The following LRRC4C variants were observed in gnomAD, a reference collection of about 807,000 sequenced individuals.
The protein encoded by LRRC4C is leucine-rich repeat-containing protein 4C.
A neutral mutation model predicts 33.6 loss-of-function variants in LRRC4C; 5 were observed. The observed-to-expected ratio is 0.15, with a 90% confidence interval of 0.08 to 0.31. The LOEUF is 0.31. LRRC4C is among the 10% of genes least tolerant of loss of function. The pLI, the probability that LRRC4C is intolerant of heterozygous loss-of-function variation, is 1.00. For synonymous variants in LRRC4C, 329 were observed against 302.0 expected (o/e 1.09, Z -0.93); for missense variants, 560 against 796.7 (o/e 0.70, Z 3.58).
intron 3 of LRRC4C, among the ~76,000 whole-genome samples, chr11:40,533,916 A>G (rs1485241211): frequency 6.6e-6 from 1 of 152,118 alleles, no homozygotes; most frequent in Non-Finnish European, 1.5e-5. Flanking sequence ...ACCTGCCTCC[A>G]AAGTTTATTA....
intron 1 of LRRC4C, among the ~76,000 whole-genome samples, chr11:41,124,863 T>C (rs1942660292): frequency 6.6e-6 from 1 of 152,120 alleles, no homozygotes; most frequent in Admixed American, 6.5e-5. Context: ...TGGAAATAAA[T>C]ATATGATGAC....
chr11:40,698,647 A>T (rs1945700813), intron 2 of LRRC4C, among the ~76,000 whole-genome samples: 1 of 152,174 alleles, frequency 6.6e-6, no homozygotes, highest in Admixed American at 6.6e-5. Context: ...CAAATACTTT[A>T]TTAGTCCATT....
intron 3 of LRRC4C, among the ~76,000 whole-genome samples, chr11:40,580,690 A>G (rs1490608515): frequency 6.6e-6 from 1 of 152,156 alleles, no homozygotes; most frequent in African/African-American, 2.4e-5. Context: ...CAAATCCTCA[A>G]TTTTCAAATC....
intron 1 of LRRC4C, among the ~76,000 whole-genome samples, chr11:41,026,135 G>A (rs1431313987): frequency 2.6e-5 from 4 of 151,612 alleles, no homozygotes; most frequent in Non-Finnish European, 5.9e-5. Flanking sequence ...GGCTATAGCT[G>A]ACATAGTGAT....
intron 2 of LRRC4C, among the ~76,000 whole-genome samples, chr11:40,786,985 T>A (rs949191827): frequency 1.3e-5 from 2 of 152,204 alleles, no homozygotes; most frequent in Non-Finnish European, 2.9e-5. Flanking sequence ...ATTTCTCTTA[T>A]ATAGAAATGT....
At chr11:41,336,241 C>T in intron 1 of LRRC4C, among the ~76,000 whole-genome samples, 1 of 150,888 alleles carries the variant, frequency 6.6e-6, no homozygotes, top group Non-Finnish European at 1.5e-5. Flanking sequence ...TATAGACTTT[C>T]CTTTTTTTTT....
At chr11:40,952,031 G>A (rs180928860) in intron 1 of LRRC4C, among the ~76,000 whole-genome samples, 11 of 151,394 alleles carry the variant, frequency 7.3e-5, no homozygotes, top group Non-Finnish European at 1.6e-4. Flanking sequence ...TGAAATATTA[G>A]ATTTTTTTTT....
intron 2 of LRRC4C, among the ~76,000 whole-genome samples, chr11:40,840,781 G>A (rs1355392311): frequency 6.6e-6 from 1 of 152,058 alleles, no homozygotes; most frequent in African/African-American, 2.4e-5. Flanking sequence ...TATGAATAAA[G>A]AACAGTAAAA....
intron 2 of LRRC4C, among the ~76,000 whole-genome samples, chr11:40,740,736 A>G (rs942859957): frequency 1.6e-4 from 25 of 151,988 alleles, no homozygotes; most frequent in African/African-American, 5.8e-4. Context: ...ACTTTTCCCT[A>G]TGTTCTCTTC....
chr11:40,179,150 G>A (rs962911278), intron 5 of LRRC4C, among the ~76,000 whole-genome samples: 7 of 151,816 alleles, frequency 4.6e-5, no homozygotes, highest in Admixed American at 2.0e-4. Context: ...AACTGCGGGT[G>A]TGTGCCACCA....
At chr11:40,161,714 G>A (rs1188136894) in intron 5 of LRRC4C, among the ~76,000 whole-genome samples, 2 of 152,074 alleles carry the variant, frequency 1.3e-5, no homozygotes, top group East Asian at 3.9e-4. Context: ...CCGAGATCGC[G>A]CCACTGCACT....
intron 1 of LRRC4C, among the ~76,000 whole-genome samples, chr11:41,142,690 T>C (rs1366859254): frequency 6.6e-6 from 1 of 151,368 alleles, no homozygotes; most frequent in East Asian, 1.9e-4. Flanking sequence ...AGATTACCTC[T>C]GATAACAAAA....
At chr11:41,368,254 C>A (rs1952616286) in intron 1 of LRRC4C, among the ~76,000 whole-genome samples, 1 of 152,130 alleles carries the variant, frequency 6.6e-6, no homozygotes, top group Non-Finnish European at 1.5e-5. Flanking sequence ...ATGAGATACA[C>A]CCATTATTCT....
At position 40,354,234 on chromosome 11, in the gene LRRC4C, T is replaced by C. The variant is rs1947551172; in HGVS notation, c.-269-34513A>G. 5.9e-5 allele frequency among the ~76,000 whole-genome samples: 9 copies of C among 152,298 alleles called. 1 individual carries two copies. The South Asian group carries it at 1.9e-3, about 32-fold the overall frequency. On this transcript the variant is annotated intron_variant, in intron 3 of 6. Coordinates refer to ENST00000528697, the MANE Select transcript of LRRC4C (RefSeq NM_001258419.2). Reference sequence around the variant, plus strand: ...ACAAATAGAATCTGTCTCTCCATGCTGAGCTGCCTGGAGCTGCGGGAGGGC... The same window carrying C: ...ACAAATAGAATCTGTCTCTCCATGCCGAGCTGCCTGGAGCTGCGGGAGGGC...
At chr11:40,591,187 A>G (rs939669051) in intron 3 of LRRC4C, among the ~76,000 whole-genome samples, 1 of 152,026 alleles carries the variant, frequency 6.6e-6, no homozygotes, top group Non-Finnish European at 1.5e-5. Flanking sequence ...TTGGTGTGCC[A>G]TTTTTTAAGC....
At chr11:40,487,651 G>A (rs1953933250) in intron 3 of LRRC4C, among the ~76,000 whole-genome samples, 2 of 151,914 alleles carry the variant, frequency 1.3e-5, no homozygotes, top group Admixed American at 1.3e-4. Flanking sequence ...GTGAGAAGTG[G>A]ATTTCCATTA....
At chr11:40,529,891 C>G (rs1405906271) in intron 3 of LRRC4C, among the ~76,000 whole-genome samples, 2 of 152,050 alleles carry the variant, frequency 1.3e-5, no homozygotes, top group Non-Finnish European at 2.9e-5. Context: ...GCTTTAGTTG[C>G]TTTACCAACA....
At chr11:41,369,483 C>A (rs1379381049) in intron 1 of LRRC4C, among the ~76,000 whole-genome samples, 1 of 151,664 alleles carries the variant, frequency 6.6e-6, no homozygotes, top group Non-Finnish European at 1.5e-5. Context: ...TACAACAAAC[C>A]CCTATAACAC....
rs115582248 is a variant in LRRC4C at position 40,710,912 on chromosome 11, G to A, written c.-406-62634C>T. On this transcript the variant is annotated intron_variant, in intron 2 of 6. Coordinates refer to ENST00000528697, the MANE Select transcript of LRRC4C (RefSeq NM_001258419.2). The stretch of plus-strand genomic sequence containing the variant: ...TATTCAAGCCTCAGCAATTGTGGAT[G>A]CTCCTCCCCTAGTCAGGCTTGCTGC... 1.2e-3 allele frequency among the ~76,000 whole-genome samples: 184 copies of A among 152,310 alleles called. 2 individuals carry two copies. Among genetic ancestry groups the A allele is most frequent in the African/African-American group, 4.2e-3 (176 of 41,574 alleles).
Sources: gnomAD v4.1 joint callset for allele counts (sites outside exome capture counted in the v4.1 genomes callset) on GRCh38, gnomAD v4.1.1 for gene constraint, MANE v1.5 for transcripts, NCBI Gene and HGNC (gene_info 2026-07-23, HGNC 2026-07-21) for gene names.